Variants in LMOD1 observed in about 807,000 individuals in gnomAD.
The protein encoded by LMOD1 is leiomodin 1, also known as leiomodin-1.
LMOD1 carries 8 observed loss-of-function variants against 36.5 expected under a neutral mutation model. That is an observed-to-expected ratio of 0.22 (90% CI 0.13 to 0.40). The LOEUF (loss-of-function observed/expected upper bound fraction) is 0.40. Ranked by LOEUF, LMOD1 falls within the 10% of genes least tolerant of loss-of-function variation. The pLI is 1.00. For synonymous variants in LMOD1, 284 were observed against 288.7 expected, an observed-to-expected ratio of 0.98 and a Z score of 0.17; for missense variants, 630 against 751.1, an observed-to-expected ratio of 0.84 and a Z score of 1.88.
intron 1 of LMOD1, among the ~76,000 whole-genome samples, chr1:201,924,356 GGAGGGAGA>G (rs1467961225): frequency 7.6e-6 from 1 of 130,954 alleles, no homozygotes; most frequent in Non-Finnish European, 1.6e-5. Context: ...AGGGAAGGAG[GGAGGGAGA>G]GAGGGAGGGA....
At chr1:201,906,381 G>A (rs1681412733) in intron 1 of LMOD1, among the ~76,000 whole-genome samples, 1 of 152,162 alleles carries the variant, frequency 6.6e-6, no homozygotes, top group Non-Finnish European at 1.5e-5. Flanking sequence ...CAGAGCCCCT[G>A]AACATTCCCC....
chr1:201,904,233 G>A (rs1681375390), intron 1 of LMOD1, among the ~76,000 whole-genome samples: 1 of 152,020 alleles, frequency 6.6e-6, no homozygotes, highest in Non-Finnish European at 1.5e-5. Context: ...TCTTTGAGAT[G>A]GAATTTCACT....
chr1:201,905,963 C>T (rs565080455), intron 1 of LMOD1, among the ~76,000 whole-genome samples: 19 of 152,334 alleles, frequency 1.2e-4, no homozygotes, highest in East Asian at 5.8e-4. Flanking sequence ...GCAGTTCCGA[C>T]GGTTTGATGC....
At chr1:201,927,434 C>T (rs986907879) in intron 1 of LMOD1, among the ~76,000 whole-genome samples, 6 of 151,980 alleles carry the variant, frequency 3.9e-5, no homozygotes, top group Admixed American at 3.3e-4. Flanking sequence ...GGTGTGGTGG[C>T]GTGTGCCTGT....
At chr1:201,933,787 A>G (rs775667384) in intron 1 of LMOD1, among the ~76,000 whole-genome samples, 4 of 151,886 alleles carry the variant, frequency 2.6e-5, no homozygotes, top group Non-Finnish European at 4.4e-5. Context: ...TAAATATTTT[A>G]TATTCCAATA....
At chr1:201,919,101 G>C (rs1212635989) in intron 1 of LMOD1, among the ~76,000 whole-genome samples, 1 of 151,834 alleles carries the variant, frequency 6.6e-6, no homozygotes, top group Admixed American at 6.6e-5. Flanking sequence ...TGTTGCTCAG[G>C]CTGGTCTCAA....
chr1:201,932,718 G>T (rs1189887578), intron 1 of LMOD1, among the ~76,000 whole-genome samples: 1 of 152,096 alleles, frequency 6.6e-6, no homozygotes, highest in East Asian at 1.9e-4. Context: ...CCCTGGCCTG[G>T]GCGACAAAGA....
rs182139695 is a variant in LMOD1, at chr1:201,902,205, G to A, written c.262-1454C>T. Reference sequence around the variant, plus strand: ...AAGAATATACCTTAACAGCAAATATGTGTATTTTTTTAAATTCACAGTATT... The same window carrying A: ...AAGAATATACCTTAACAGCAAATATATGTATTTTTTTAAATTCACAGTATT... On this transcript the variant is annotated intron_variant, in intron 1 of 2. Coordinates refer to ENST00000367288, the MANE Select transcript of LMOD1 (RefSeq NM_012134.3). Among the ~76,000 whole-genome samples, 99 of 152,038 alleles carry A rather than the reference G, an allele frequency of 6.5e-4. 1 individual carries two copies. Among genetic ancestry groups the A allele is most frequent in the Admixed American group, 5.9e-4 (9 of 15,264 alleles).
chr1:201,910,272 G>A (rs113558682), intron 1 of LMOD1, among the ~76,000 whole-genome samples: 24 of 114,486 alleles, frequency 2.1e-4, no homozygotes, highest in African/African-American at 7.5e-4. Flanking sequence ...TTTCCTATAC[G>A]CATTTTTTTT....
intron 1 of LMOD1, among the ~76,000 whole-genome samples, chr1:201,932,385 G>A (rs936139198): frequency 6.6e-6 from 1 of 152,070 alleles, no homozygotes; most frequent in Admixed American, 6.6e-5. Context: ...CGATAGAGAG[G>A]GTCAGGAGGA....
At position 201,901,969 on chromosome 1, in the gene LMOD1, T is replaced by A. The variant is rs568118633; in HGVS notation, c.262-1218A>T. Among the ~76,000 whole-genome samples the A allele has an allele frequency of 1.6e-3, 232 of 142,908 alleles. 1 individual carries two copies. The highest frequency in any genetic ancestry group is 5.3e-3 in the African/African-American group (193 of 36,184). The allele number at this position is 142,908 out of a possible 152,430, so 93.8% of individuals were successfully genotyped here. ...CATTATTATTGTTATTATTATTATT[T>A]TTTTTTTTTAGAGATGGGGGTCTTG... On this transcript the variant is annotated intron_variant, in intron 1 of 2. Transcript: ENST00000367288.
At chr1:201,904,398 C>T (rs1329536784) in intron 1 of LMOD1, among the ~76,000 whole-genome samples, 1 of 152,234 alleles carries the variant, frequency 6.6e-6, no homozygotes, top group African/African-American at 2.4e-5. Flanking sequence ...TTGGTAGAGA[C>T]GGGGTTTCTC....
At chr1:201,943,567 C>G (rs556164914) in intron 1 of LMOD1, among the ~76,000 whole-genome samples, 1 of 152,294 alleles carries the variant, frequency 6.6e-6, no homozygotes, top group East Asian at 1.9e-4. Context: ...CTTGTTTACT[C>G]GGGCCACTCA....
chr1:201,915,722 GCCTGAA>G (rs1030955507), intron 1 of LMOD1, among the ~76,000 whole-genome samples: 2 of 152,074 alleles, frequency 1.3e-5, no homozygotes, highest in African/African-American at 4.8e-5. Context: ...AGATACTACA[GCCTGAA>G]CCCCACTCAG....
chr1:201,900,814 T>C, intron 1 of LMOD1, 63 bp from the exon 2 acceptor site: 1 of 1,393,180 alleles, frequency 7.2e-7, no homozygotes, highest in Non-Finnish European at 9.7e-7. Flanking sequence ...GGAATGAGTA[T>C]GGGGATGTGT....
rs1453671240 is a variant in LMOD1, at chr1:201,900,110, C to T, written c.903G>A (p.Lys301=). 3 of 1,613,924 alleles carry T rather than the reference C, an allele frequency of 1.9e-6. No individual in the cohort carries two copies. The highest frequency in any genetic ancestry group is 2.5e-6 in the Non-Finnish European group (3 of 1,179,870). The change falls in exon 2 of 3, where the codon AAG becomes AAA. Residue 301 remains lysine, a synonymous_variant. Coordinates refer to ENST00000367288, the MANE Select transcript of LMOD1 (RefSeq NM_012134.3). ...PEKQTPSGPT[K]PSEGPAKVEE... The stretch of plus-strand genomic sequence containing the variant: ...CCACCTTGGCCGGTCCTTCAGAGGG[C>T]TTGGTGGGGCCACTGGGCGTCTGTT...
intron 1 of LMOD1, among the ~76,000 whole-genome samples, chr1:201,927,058 A>T (rs1160032795): frequency 1.3e-5 from 2 of 152,236 alleles, no homozygotes; most frequent in African/African-American, 4.8e-5. Flanking sequence ...CATACTGTCT[A>T]TGATGAGCCT....
chr1:201,936,456 C>G (rs954732438), intron 1 of LMOD1, among the ~76,000 whole-genome samples: 1 of 152,154 alleles, frequency 6.6e-6, no homozygotes, highest in African/African-American at 2.4e-5. Context: ...CGGAACCCTG[C>G]TTACTTCCAA....
intron 1 of LMOD1, among the ~76,000 whole-genome samples, chr1:201,914,057 C>T (rs1681558124): frequency 6.6e-6 from 1 of 152,230 alleles, no homozygotes; most frequent in South Asian, 2.1e-4. Context: ...CAAATTCTGA[C>T]TTCTCTGCAC....
Sources: allele counts gnomAD v4.1 joint callset (sites outside exome capture counted in the v4.1 genomes callset), GRCh38; gene constraint gnomAD v4.1.1; transcripts MANE v1.5; gene names NCBI Gene and HGNC (gene_info 2026-07-23, HGNC 2026-07-21).